The following GABRG1 variants were observed in gnomAD, a reference collection of about 807,000 sequenced individuals.
GABRG1 encodes the protein gamma-aminobutyric acid type A receptor subunit gamma1.
In GABRG1, 49 loss-of-function variants were observed where a neutral mutation model predicts 49.8. The ratio of observed to expected loss-of-function variants is 0.98; its 90% CI spans 0.78 to 1.25. The LOEUF is 1.25. Ranked by LOEUF, GABRG1 falls within the 50% of genes most tolerant of loss-of-function variation. The probability of loss-of-function intolerance (pLI) is 0.00; values close to 1 mark genes in which losing one functional copy is unlikely to be tolerated. For missense variants in GABRG1, 552 were observed against 552.3 expected, an observed-to-expected ratio of 1.00 and a Z score of 0.01; for synonymous variants, 232 against 185.1, an observed-to-expected ratio of 1.25 and a Z score of -2.06.
rs1346145540 is a variant in GABRG1 at position 46,051,514 on chromosome 4, G to T, written c.1041C>A (p.Ala347=). 4 of 1,611,182 alleles carry T rather than the reference G, an allele frequency of 2.5e-6. No homozygotes were observed. The African/African-American group carries it at 5.4e-5, about 22-fold the overall frequency. The change falls in exon 8 of 9, where the codon GCC becomes GCA. Residue 347 remains alanine (A), a synonymous_variant. Transcript: ENST00000295452. Reference sequence around the variant, plus strand: ...AATGCAAGGTTCCATATTCCATCAAGGCTGCAAAAACAAAAATGAAACAAA... The same window carrying T: ...AATGCAAGGTTCCATATTCCATCAATGCTGCAAAAACAAAAATGAAACAAA... ...VSVCFIFVFA[A]LMEYGTLHYF...
Position 46,051,502 on chromosome 4 carries a change from A to T in GABRG1, c.1053T>A (p.Tyr351Ter). 6.2e-7 allele frequency: 1 copy of T among 1,611,554 alleles called. No individual in the cohort carries two copies. Among genetic ancestry groups the T allele is most frequent in the Non-Finnish European group, 8.5e-7 (1 of 1,178,506 alleles). Residue 351 changes from tyrosine (Y) to a stop codon, truncating the protein, a stop_gained, in exon 8 of 9, where the codon TAT becomes TAA. Coordinates refer to ENST00000295452, the MANE Select transcript of GABRG1 (RefSeq NM_173536.4). LOFTEE classifies it high-confidence loss of function. ...TGCTGGTAAAATAATGCAAGGTTCC[A>T]TATTCCATCAAGGCTGCAAAAACAA... is the stretch of plus-strand genomic sequence containing the variant. Reference protein sequence around the residue: ...FIFVFAALMEYGTLHYFTSNQ... With the variant: ...FIFVFAALME
At chr4:46,092,187 T>C (rs968832290) in intron 2 of GABRG1, among the ~76,000 whole-genome samples, 3 of 152,030 alleles carry the variant, frequency 2.0e-5, no homozygotes, top group Non-Finnish European at 4.4e-5. Context: ...GGAAATAGGG[T>C]ATTTAAGAAA....
chr4:46,114,147 G>C (rs10517151), intron 1 of GABRG1, among the ~76,000 whole-genome samples: 4,969 of 151,070 alleles, frequency 0.033, 118 homozygotes, highest in African/African-American at 0.066. Flanking sequence ...ATTTTTCACT[G>C]TACAAAAGCT....
chr4:46,109,845 T>A (rs1374072014), intron 1 of GABRG1, among the ~76,000 whole-genome samples: 2 of 151,256 alleles, frequency 1.3e-5, no homozygotes, highest in East Asian at 2.0e-4. Flanking sequence ...TTGGTATTGA[T>A]ATCTATTTTT....
intron 1 of GABRG1, among the ~76,000 whole-genome samples, chr4:46,099,079 C>T (rs563080811): frequency 4.1e-4 from 62 of 151,576 alleles, no homozygotes; most frequent in African/African-American, 1.4e-3. Flanking sequence ...TTATCTTCCA[C>T]GGATTAATAA....
chr4:46,044,690 A>G (rs1717920579), intron 8 of GABRG1, among the ~76,000 whole-genome samples: 1 of 152,104 alleles, frequency 6.6e-6, no homozygotes, highest in Non-Finnish European at 1.5e-5. Context: ...ATAAGGAAGG[A>G]AGAATGGGAG....
chr4:46,110,573 T>TGCAA (rs1402885272), intron 1 of GABRG1, among the ~76,000 whole-genome samples: 2 of 150,796 alleles, frequency 1.3e-5, no homozygotes, highest in African/African-American at 4.9e-5. Context: ...CAGGCAAATA[T>TGCAA]CCTTGATGAA....
intron 2 of GABRG1, among the ~76,000 whole-genome samples, chr4:46,089,518 C>T (rs528794896): frequency 7.9e-5 from 12 of 152,204 alleles, no homozygotes; most frequent in African/African-American, 2.6e-4. Flanking sequence ...CCTCTTACCC[C>T]CACAGTGTCA....
At chr4:46,085,258 T>C (rs1719715294) in intron 2 of GABRG1, among the ~76,000 whole-genome samples, 1 of 151,498 alleles carries the variant, frequency 6.6e-6, no homozygotes, top group South Asian at 2.1e-4. Flanking sequence ...TAGATATTAG[T>C]TAACTGTCTT....
At chr4:46,053,081 T>C (rs1577633626) in intron 7 of GABRG1, among the ~76,000 whole-genome samples, 1 of 151,956 alleles carries the variant, frequency 6.6e-6, no homozygotes, top group African/African-American at 2.4e-5. Flanking sequence ...AACACAGTAA[T>C]ATCTTGCTTC....
intron 3 of GABRG1, among the ~76,000 whole-genome samples, chr4:46,082,326 C>A (rs1224912637): frequency 2.6e-5 from 4 of 151,448 alleles, no homozygotes; most frequent in African/African-American, 9.7e-5. Flanking sequence ...TCCCTTATTT[C>A]TCTTCTTCTC....
At chr4:46,059,312 T>C (rs1240276889) in intron 5 of GABRG1, among the ~76,000 whole-genome samples, 2 of 152,096 alleles carry the variant, frequency 1.3e-5, no homozygotes, top group Admixed American at 1.3e-4. Context: ...ATGGAGTAGC[T>C]GGGTCATGGG....
At chr4:46,089,279 C>A (rs534017928) in intron 2 of GABRG1, among the ~76,000 whole-genome samples, 1 of 151,986 alleles carries the variant, frequency 6.6e-6, no homozygotes, top group Non-Finnish European at 1.5e-5. Flanking sequence ...TTTATACCTC[C>A]TAACCATAAA....
chr4:46,111,423 C>T (rs12504178), intron 1 of GABRG1, among the ~76,000 whole-genome samples: 1 of 150,766 alleles, frequency 6.6e-6, no homozygotes, highest in Admixed American at 6.6e-5. Context: ...TCGGACAAAG[C>T]AATTTACACA....
intron 7 of GABRG1, among the ~76,000 whole-genome samples, chr4:46,056,815 G>C (rs533668728): frequency 5.3e-5 from 8 of 152,040 alleles, no homozygotes; most frequent in Non-Finnish European, 1.0e-4. Flanking sequence ...TCTATCTTAG[G>C]GTCCACAATT....
At chr4:46,052,393 T>G (rs980957961) in intron 7 of GABRG1, among the ~76,000 whole-genome samples, 1 of 151,866 alleles carries the variant, frequency 6.6e-6, no homozygotes, top group Admixed American at 6.6e-5. Context: ...GTTAAACCCA[T>G]TTTTTAATCT....
rs541835561 is a variant in GABRG1 at position 46,047,144 on chromosome 4, C to A, written c.1131+4280G>T. 3.9e-5 allele frequency among the ~76,000 whole-genome samples: 6 copies of A among 152,160 alleles called. 1 individual carries two copies. The highest frequency in any genetic ancestry group is 1.2e-4 in the African/African-American group (5 of 41,544). On this transcript the variant is annotated intron_variant, in intron 8 of 8. Transcript: ENST00000295452. Reference sequence around the variant, plus strand: ...TATTGAGCACTTGAAATGCGACTAGCGCTACTAAGATACTGAATATTATAT... The same window carrying A: ...TATTGAGCACTTGAAATGCGACTAGAGCTACTAAGATACTGAATATTATAT...
rs1717547544 is a variant in GABRG1 at position 46,036,803 on chromosome 4, G to GT, written c.*4184dup. ...AAACTTCTGCAGAAATTTTAATAAT[G>GT]TATCTTTTGTACTCAAGTATCTCTG... On this transcript the variant is annotated 3_prime_UTR_variant, in exon 9 of 9. Transcript: ENST00000295452. 6.6e-6 allele frequency: 1 copy of GT among 151,918 alleles called. No homozygotes were observed. Among genetic ancestry groups the GT allele is most frequent in the South Asian group, 2.1e-4 (1 of 4,828 alleles). The allele number at this position is 151,918 out of a possible 1,614,324, so 9.4% of individuals were successfully genotyped here.
intron 8 of GABRG1, among the ~76,000 whole-genome samples, chr4:46,045,344 T>C (rs2109393318): frequency 6.6e-6 from 1 of 152,114 alleles, no homozygotes; most frequent in Middle Eastern, 3.4e-3. Flanking sequence ...CTGCTCATAG[T>C]ATGGAAAAAT....
Sources: allele counts gnomAD v4.1 joint callset (sites outside exome capture counted in the v4.1 genomes callset), GRCh38; gene constraint gnomAD v4.1.1; transcripts MANE v1.5; gene names NCBI Gene and HGNC (gene_info 2026-07-23, HGNC 2026-07-21).